TMEM9B: variants seen among roughly 807,000 people sequenced by gnomAD.
TMEM9B encodes TMEM9 domain family member B.
A neutral mutation model predicts 23.5 loss-of-function variants in TMEM9B; 8 were observed. The observed-to-expected ratio is 0.34, with a 90% confidence interval of 0.20 to 0.61. The LOEUF is 0.61. TMEM9B is among the 20% of genes least tolerant of loss of function. The probability of loss-of-function intolerance (pLI) is 0.78; values close to 1 mark genes in which losing one functional copy is unlikely to be tolerated. For missense variants in TMEM9B, 197 were observed against 252.3 expected (o/e 0.78, Z 1.49); for synonymous variants, 106 against 96.3 (o/e 1.10, Z -0.59).
chr11:8,963,598 G>C (rs1854119227), intron 1 of TMEM9B, among the ~76,000 whole-genome samples: 1 of 152,224 alleles, frequency 6.6e-6, no homozygotes, highest in Non-Finnish European at 1.5e-5. Flanking sequence ...AGCAAGAAAG[G>C]CACCAAGGGA....
intron 4 of TMEM9B, among the ~76,000 whole-genome samples, chr11:8,952,249 T>TATACAC (rs1555228002): frequency 3.3e-5 from 4 of 122,648 alleles, no homozygotes; most frequent in South Asian, 2.4e-4. Context: ...GCCAACTATA[T>TATACAC]ACACACACAC....
In TMEM9B at chr11:8,947,287, A is replaced by G. The variant is rs1853785937; in HGVS notation, c.*1033T>C. 6.6e-6 allele frequency: 1 copy of G among 152,408 alleles called. No individual in the cohort carries two copies. Among genetic ancestry groups the G allele is most frequent in the Non-Finnish European group, 1.5e-5 (1 of 68,012 alleles). 9.4% of individuals were successfully genotyped at this position (152,408 alleles called of 1,614,324 possible). The stretch of plus-strand genomic sequence containing the variant: ...AAAACTAGGAGACATAGATAGATAC[A>G]CTGATGGATGTTTCAAAAATTATTT... On this transcript the variant is annotated 3_prime_UTR_variant, in exon 5 of 5. Coordinates refer to ENST00000534025, the MANE Select transcript of TMEM9B (RefSeq NM_020644.3).
At chr11:8,950,365 T>C (rs952326883) in intron 4 of TMEM9B, among the ~76,000 whole-genome samples, 10 of 95,780 alleles carry the variant, frequency 1.0e-4, no homozygotes, top group Non-Finnish European at 2.1e-4. Context: ...TATCATCCCC[T>C]GAAGTCAAGG....
intron 2 of TMEM9B, 46 bp from the exon 3 acceptor site, chr11:8,956,344 C>G: frequency 6.5e-7 from 1 of 1,529,858 alleles, no homozygotes. Flanking sequence ...GCTAGCTCTT[C>G]TGCTTGCTCT....
At chr11:8,958,969 T>G (rs572496812) in intron 2 of TMEM9B, among the ~76,000 whole-genome samples, 1 of 152,256 alleles carries the variant, frequency 6.6e-6, no homozygotes, top group Admixed American at 6.5e-5. Context: ...GCCCCACAAC[T>G]CTCACCATAA....
chr11:8,956,223 G>A lies in TMEM9B; in HGVS notation c.273C>T (p.Cys91=), dbSNP rs772419505. ...DVEAYCLRCE[C]KYEERSSVTI... ...TGACAGAGCTTCTTTCTTCATATTT[G>A]CATTCACAGCGTAGACAGTATGCTT... The change falls in exon 3 of 5, where the codon TGC becomes TGT. Residue 91 remains cysteine, a synonymous_variant. Coordinates refer to ENST00000534025, the MANE Select transcript of TMEM9B (RefSeq NM_020644.3). 3 of 1,613,626 alleles carry A rather than the reference G, an allele frequency of 1.9e-6. No homozygotes were observed. Among genetic ancestry groups the A allele is most frequent in the Non-Finnish European group, 2.5e-6 (3 of 1,179,946 alleles).
intron 4 of TMEM9B, among the ~76,000 whole-genome samples, chr11:8,951,710 A>T (rs927582665): frequency 1.8e-4 from 27 of 149,766 alleles, no homozygotes; most frequent in Admixed American, 1.6e-3. Flanking sequence ...GTGCGCTGAG[A>T]TCGCACCACT....
chr11:8,952,890 G>A lies in TMEM9B; in HGVS notation c.441+313C>T. 3 of 546,468 alleles carry A rather than the reference G, an allele frequency of 5.5e-6. No homozygotes were observed. The South Asian group carries it at 8.2e-5, about 15-fold the overall frequency. 33.9% of individuals were successfully genotyped at this position (546,468 alleles called of 1,614,324 possible). On this transcript the variant is annotated intron_variant, in intron 4 of 4. Transcript: ENST00000534025. The stretch of plus-strand genomic sequence containing the variant: ...AAGGTGTTTCAGGCAGGAGAGCTTG[G>A]AGAGAAAACCATCTCTGATACTTTT...
chr11:8,964,029 G>T (rs1246181371), intron 1 of TMEM9B, 180 bp downstream of exon 1: 24 of 629,278 alleles, frequency 3.8e-5, no homozygotes, highest in Non-Finnish European at 6.4e-5. Context: ...GGCTGAGGGC[G>T]AGAGTGCCGC....
intron 2 of TMEM9B, among the ~76,000 whole-genome samples, chr11:8,959,760 A>G (rs1854041727): frequency 6.6e-6 from 1 of 152,220 alleles, no homozygotes. Context: ...ACCTCCCCCT[A>G]GTGCCAAAAG....
intron 1 of TMEM9B, among the ~76,000 whole-genome samples, chr11:8,963,490 G>T (rs574767009): frequency 6.6e-6 from 1 of 152,304 alleles, no homozygotes; most frequent in East Asian, 1.9e-4. Flanking sequence ...CAGTATGAGG[G>T]AACTAGAAGG....
chr11:8,953,087 AGTT>A, intron 4 of TMEM9B, 113 bp downstream of exon 4: 2 of 1,271,256 alleles, frequency 1.6e-6, no homozygotes, highest in Non-Finnish European at 1.1e-6. Context: ...TAGCTTCTCT[AGTT>A]GAGGATCTGC....
At position 8,957,684 on chromosome 11, in the gene TMEM9B, T is replaced by C. The variant is rs991267669; in HGVS notation, c.198-1386A>G. Reference sequence around the variant, plus strand: ...GTTCTATATCCCTGTAGGATGACTATAGTCAACAATAATATATATTATAGT... The same window carrying C: ...GTTCTATATCCCTGTAGGATGACTACAGTCAACAATAATATATATTATAGT... On this transcript the variant is annotated intron_variant, in intron 2 of 4. Coordinates refer to ENST00000534025, the MANE Select transcript of TMEM9B (RefSeq NM_020644.3). This position sits in a 1 kb window ranked among gnomAD's most constrained non-coding sequence, Gnocchi z 4.3. 6.6e-5 allele frequency among the ~76,000 whole-genome samples: 10 copies of C among 152,204 alleles called. No homozygotes were observed. Among genetic ancestry groups the C allele is most frequent in the African/African-American group, 1.4e-4 (6 of 41,442 alleles).
intron 4 of TMEM9B, among the ~76,000 whole-genome samples, chr11:8,952,279 C>CACACATACAT (rs371219457): frequency 4.8e-5 from 6 of 126,062 alleles, no homozygotes; most frequent in Non-Finnish European, 1.1e-4. Context: ...CACACACACA[C>CACACATACAT]GCTATATATA....
chr11:8,958,734 A>G (rs1854020293), intron 2 of TMEM9B, among the ~76,000 whole-genome samples: 1 of 151,278 alleles, frequency 6.6e-6, no homozygotes, highest in Admixed American at 6.6e-5. Context: ...ACCATGCCCG[A>G]CTAATTTTGT....
intron 2 of TMEM9B, among the ~76,000 whole-genome samples, chr11:8,958,989 A>T (rs1589947671): frequency 6.6e-6 from 1 of 152,322 alleles, no homozygotes; most frequent in Middle Eastern, 3.4e-3. Flanking sequence ...AAAGTGTGTG[A>T]TATCTGTTCC....
chr11:8,964,374 C>A lies in TMEM9B; in HGVS notation c.-61G>T. The A allele has an allele frequency of 6.7e-7, 1 of 1,490,482 alleles. No homozygotes were observed. Among genetic ancestry groups the A allele is most frequent in the South Asian group, 1.3e-5 (1 of 79,370 alleles). The allele number at this position is 1,490,482 out of a possible 1,614,324, so 92.3% of individuals were successfully genotyped here. On this transcript the variant is annotated 5_prime_UTR_variant, in exon 1 of 5. Coordinates refer to ENST00000534025, the MANE Select transcript of TMEM9B (RefSeq NM_020644.3). ...CCGCGACCGGCTCCCGGCTCGGGCTCAGGCTCAGGCTCAGGCTCAGGCACA... is the reference window on the plus strand; with the variant it reads ...CCGCGACCGGCTCCCGGCTCGGGCTAAGGCTCAGGCTCAGGCTCAGGCACA...
chr11:8,964,102 GTA>G, intron 1 of TMEM9B, 105 bp downstream of exon 1: 3 of 1,131,740 alleles, frequency 2.7e-6, no homozygotes, highest in Non-Finnish European at 3.7e-6. Context: ...GAGGCCAGGC[GTA>G]TGGCTGTCAG....
chr11:8,956,974 C>A (rs1853986220), intron 2 of TMEM9B, among the ~76,000 whole-genome samples: 1 of 152,166 alleles, frequency 6.6e-6, no homozygotes, highest in African/African-American at 2.4e-5. Context: ...CCTATCTTGG[C>A]CTCCTAAAGT....
Sources: allele counts gnomAD v4.1 joint callset (sites outside exome capture counted in the v4.1 genomes callset), GRCh38; gene constraint gnomAD v4.1.1; non-coding constraint Gnocchi (gnomAD v3.1); transcripts MANE v1.5; gene names NCBI Gene and HGNC (gene_info 2026-07-23, HGNC 2026-07-21).